EMC1: variants seen among roughly 807,000 people sequenced by gnomAD.
EMC1 encodes the protein ER membrane protein complex subunit 1, also known as KIAA0090.
In EMC1, 103 loss-of-function variants were observed where a neutral mutation model predicts 128.8. That is an observed-to-expected ratio of 0.80 (90% confidence interval 0.68 to 0.94). The LOEUF (loss-of-function observed/expected upper bound fraction) is 0.94, where lower values mean the gene tolerates loss of function less well. EMC1 is among the 40% of genes least tolerant of loss of function. EMC1 has a pLI of 0.00. For missense variants in EMC1, 1,083 were observed against 1,250.6 expected (o/e 0.87, Z 2.02); for synonymous variants, 442 against 490.4 (o/e 0.90, Z 1.30).
At chr1:19,244,090 C>G in intron 2 of EMC1, 75 bp from the exon 3 acceptor site, 1 of 1,437,930 alleles carries the variant, frequency 7.0e-7, no homozygotes, top group Non-Finnish European at 9.8e-7. Flanking sequence ...AAATGAAGAG[C>G]TCTTCATTTG....
chr1:19,219,838 T>A, intron 21 of EMC1, 140 bp from the exon 22 acceptor site: 1 of 864,644 alleles, frequency 1.2e-6, no homozygotes, highest in Non-Finnish European at 1.8e-6. Context: ...ATTAGGTAGT[T>A]AAAAATTTAG....
intron 1 of EMC1, among the ~76,000 whole-genome samples, chr1:19,245,627 C>CTT (rs539316345): frequency 5.7e-5 from 7 of 123,112 alleles, no homozygotes; most frequent in Non-Finnish European, 6.4e-5. Context: ...CCTTACCTTT[C>CTT]TTTTTTTTTT....
chr1:19,235,257 A>G lies in EMC1; in HGVS notation c.1310-5T>C, dbSNP rs1412695757. 1 of 1,611,244 alleles carries G rather than the reference A, an allele frequency of 6.2e-7. No homozygotes were observed. Among genetic ancestry groups the G allele is most frequent in the Non-Finnish European group, 8.5e-7 (1 of 1,178,582 alleles). On this transcript the variant is annotated splice_region_variant and splice_polypyrimidine_tract_variant and intron_variant, in intron 12 of 22. Transcript: ENST00000477853. ...TCCACAGCACCACCTTCCCTGCTAC[A>G]GGAAACATTTTTACAAAGCTAAGCC... is the stretch of plus-strand genomic sequence containing the variant.
chr1:19,235,293 C>T (rs1262433440), intron 12 of EMC1, 41 bp from the exon 13 acceptor site: 1 of 1,590,634 alleles, frequency 6.3e-7, no homozygotes, highest in Middle Eastern at 1.7e-4. Context: ...TGGGGCTGGG[C>T]ACAGTGGCTC....
intron 12 of EMC1, 69 bp from the exon 13 acceptor site, chr1:19,235,321 A>C: frequency 6.6e-7 from 1 of 1,523,376 alleles, no homozygotes; most frequent in Non-Finnish European, 8.9e-7. Context: ...TAATCCCAGC[A>C]CTTTGGGAGG....
At chr1:19,226,208 G>GTCACCT (rs1337109387) in intron 18 of EMC1, among the ~76,000 whole-genome samples, 5 of 152,142 alleles carry the variant, frequency 3.3e-5, no homozygotes, top group African/African-American at 1.2e-4. Context: ...CAGCCCACTA[G>GTCACCT]TCACCTTAAT....
chr1:19,228,809 T>G (rs2093497841), intron 17 of EMC1, among the ~76,000 whole-genome samples: 1 of 152,134 alleles, frequency 6.6e-6, no homozygotes, highest in African/African-American at 2.4e-5. Context: ...CCCAGCACTT[T>G]CGGAGCCCGA....
At position 19,219,360 on chromosome 1, in the gene EMC1, G is replaced by A. The variant is rs771896698; in HGVS notation, c.2925C>T (p.Ala975=). The A allele has an allele frequency of 1.9e-6, 3 of 1,614,048 alleles. No homozygotes were observed. The highest frequency in any genetic ancestry group is 2.2e-5 in the East Asian group (1 of 44,854). The change falls in exon 23 of 23, where the codon GCC becomes GCT. Residue 975 remains alanine (A), a synonymous_variant. Transcript: ENST00000477853. ...GTGCCAGTCTCTTAGTGATCATGGT[G>A]GCAAAAACCAGGCCAAAGAGGACGC... The part of the protein sequence containing the change: ...ISSVLFGLVF[A]TMITKRLAQV...
At position 19,244,920 on chromosome 1, in the gene EMC1, C is replaced by A. The variant is rs748743672; in HGVS notation, c.206G>T (p.Arg69Leu). Residue 69 changes from arginine (R) to leucine (L), a missense_variant, in exon 2 of 23, where the codon CGA becomes CTA. Around this residue, in one of 3 missense-constraint regions of EMC1, gnomAD observed 544 missense variants for 572.4 expected, o/e 0.95. Coordinates refer to ENST00000477853, the MANE Select transcript of EMC1 (RefSeq NM_015047.3). The stretch of plus-strand genomic sequence containing the variant: ...AGTTCACTCACAGATCTCCCCAGTT[C>A]GGGAATTTAATGCTGCAATCACATT... ...EKNVIAALNS[R>L]TGEILWRHVD... 1 of 1,613,686 alleles carries A rather than the reference C, an allele frequency of 6.2e-7. No individual in the cohort carries two copies. Among genetic ancestry groups the A allele is most frequent in the South Asian group, 1.1e-5 (1 of 91,058 alleles).
intron 13 of EMC1, among the ~76,000 whole-genome samples, chr1:19,233,616 A>G (rs2093540969): frequency 6.6e-6 from 1 of 152,206 alleles, no homozygotes; most frequent in African/African-American, 2.4e-5. Context: ...TGCACCCAAC[A>G]GACGTACTTG....
Position 19,233,342 on chromosome 1 carries a change from A to T in EMC1, c.1433-207T>A, listed in dbSNP as rs114559187. Among the ~76,000 whole-genome samples the T allele has an allele frequency of 4.8e-3, 738 of 152,312 alleles. 4 individuals carry two copies. Among genetic ancestry groups the T allele is most frequent in the African/African-American group, 0.016 (663 of 41,558 alleles). ...TGCAGGAGCTTCCAAAAACTGCTTA[A>T]CTGGCTCTTAACAACTAAACCCAGC... is the stretch of plus-strand genomic sequence containing the variant. On this transcript the variant is annotated intron_variant, in intron 13 of 22. Coordinates refer to ENST00000477853, the MANE Select transcript of EMC1 (RefSeq NM_015047.3).
At chr1:19,231,218 C>T (rs751643771) in intron 16 of EMC1, 43 bp downstream of exon 16, 2 of 1,551,288 alleles carry the variant, frequency 1.3e-6, no homozygotes, top group Non-Finnish European at 8.7e-7. Context: ...GGCCCCAAAC[C>T]GGACTCCGCT....
At position 19,241,095 on chromosome 1, in the gene EMC1, A is replaced by G. The variant is rs779798942; in HGVS notation, c.557T>C (p.Val186Ala). The change falls in exon 6 of 23, where the codon GTG (valine) becomes GCG (alanine). Residue 186 changes from valine (V) to alanine (A), a missense_variant. By Grantham distance (64) the Val-to-Ala change is moderately conservative. Transcript: ENST00000477853. The stretch of plus-strand genomic sequence containing the variant: ...GAAGGGAACAACTCCGAGGGCCCAC[A>G]CCACCCCAGAGCCGTAAGAATACAC... ...QMVYSYGSGV[V>A]WALGVVPFSH... 3.7e-6 allele frequency: 6 copies of G among 1,614,030 alleles called. No homozygotes were observed. Among genetic ancestry groups the G allele is most frequent in the Admixed American group, 1.7e-5 (1 of 60,006 alleles).
At chr1:19,235,297 G>C (rs543140361) in intron 12 of EMC1, 45 bp from the exon 13 acceptor site, 1 of 1,589,110 alleles carries the variant, frequency 6.3e-7, no homozygotes, top group East Asian at 2.3e-5. Context: ...GCTGGGCACA[G>C]TGGCTCATGC....
chr1:19,220,921 GC>G, intron 20 of EMC1, 73 bp from the exon 21 acceptor site: 1 of 1,084,684 alleles, frequency 9.2e-7, no homozygotes, highest in Non-Finnish European at 1.4e-6. Context: ...TGTCATTATT[GC>G]AGACATTTAA....
intron 1 of EMC1, among the ~76,000 whole-genome samples, chr1:19,247,888 A>G (rs1213536587): frequency 6.6e-6 from 1 of 152,090 alleles, no homozygotes; most frequent in African/African-American, 2.4e-5. Flanking sequence ...AGCCAGGCAT[A>G]GTGCTGTGCA....
At position 19,245,627 on chromosome 1, in the gene EMC1, C is replaced by CTTTTTTTTTTTTTTT. The variant is rs539316345; in HGVS notation, c.96-598_96-597insAAAAAAAAAAAAAAA. Among the ~76,000 whole-genome samples the CTTTTTTTTTTTTTTT allele has an allele frequency of 9.9e-4, 122 of 123,096 alleles. 5 individuals carry two copies. Among genetic ancestry groups the CTTTTTTTTTTTTTTT allele is most frequent in the African/African-American group, 3.2e-3 (95 of 29,278 alleles). The allele number at this position is 123,096 out of a possible 152,430, so 80.8% of individuals were successfully genotyped here. ...ACACCCAAAAGGGCACCTTACCTTT[C>CTTTTTTTTTTTTTTT]TTTTTTTTTTTTTTGAGACGAAGTC... On this transcript the variant is annotated intron_variant, in intron 1 of 22. Coordinates refer to ENST00000477853, the MANE Select transcript of EMC1 (RefSeq NM_015047.3).
At position 19,230,979 on chromosome 1, in the gene EMC1, G is replaced by A. The variant is rs768423525; in HGVS notation, c.1945-16C>T. 1.3e-5 allele frequency: 21 copies of A among 1,613,236 alleles called. No individual in the cohort carries two copies. The highest frequency in any genetic ancestry group is 1.7e-5 in the Non-Finnish European group (20 of 1,179,820). ...AAGCTGTGACCTTGAAAAACCCAGA[G>A]AGCCCAAGGAAAGAGTTAGGAAATT... On this transcript the variant is annotated splice_polypyrimidine_tract_variant and intron_variant, in intron 16 of 22. Coordinates refer to ENST00000477853, the MANE Select transcript of EMC1 (RefSeq NM_015047.3).
intron 11 of EMC1, 119 bp downstream of exon 11, chr1:19,237,898 C>G (rs766510211): frequency 7.6e-7 from 1 of 1,321,000 alleles, no homozygotes; most frequent in Non-Finnish European, 1.0e-6. Context: ...TCAGAGAGCA[C>G]TAGAACACAT....
Sources: gnomAD v4.1 joint callset for allele counts (sites outside exome capture counted in the v4.1 genomes callset) on GRCh38, gnomAD v4.1.1 for gene constraint, gnomAD v4.1.1 regional missense constraint, MANE v1.5 for transcripts, NCBI Gene and HGNC (gene_info 2026-07-23, HGNC 2026-07-21) for gene names.